Variants in DRC8 observed in about 807,000 individuals in gnomAD.
DRC8 encodes the protein dynein regulatory complex subunit 8, also known as dynein regulatory complex protein 8.
the DRC8 span, among the ~76,000 whole-genome samples, chr1:245,096,399 AG>A: frequency 6.6e-6 from 1 of 152,280 alleles, no homozygotes; most frequent in Admixed American, 6.5e-5. Context: ...CCAGCTTCTT[AG>A]GCTGTGACAG....
At chr1:245,038,733 A>C in the DRC8 span, among the ~76,000 whole-genome samples, 1 of 152,198 alleles carries the variant, frequency 6.6e-6, no homozygotes, top group Non-Finnish European at 1.5e-5. Flanking sequence ...GTTTGTGTGC[A>C]ACAAGTATCT....
At chr1:245,103,692 C>G in the DRC8 span, among the ~76,000 whole-genome samples, 1,134 of 142,868 alleles carry the variant, frequency 7.9e-3, 2 homozygotes, top group Middle Eastern at 0.022. Flanking sequence ...GTGAGGCTGA[C>G]GAGGATCAGA....
At chr1:244,996,887 C>T in the DRC8 span, among the ~76,000 whole-genome samples, 7 of 152,162 alleles carry the variant, frequency 4.6e-5, no homozygotes, top group Non-Finnish European at 1.0e-4. Flanking sequence ...CGGGGATAGG[C>T]TCCAGGACCT....
chr1:244,991,316 C>T, the DRC8 span, among the ~76,000 whole-genome samples: 6 of 152,260 alleles, frequency 3.9e-5, no homozygotes, highest in Admixed American at 1.3e-4. Context: ...GTGCACTATT[C>T]TCCCGGCATG....
At chr1:244,977,213 C>T in the DRC8 span, among the ~76,000 whole-genome samples, 9 of 151,982 alleles carry the variant, frequency 5.9e-5, no homozygotes, top group East Asian at 1.7e-3. Flanking sequence ...GATTGGTTGC[C>T]CAGCAGTGTG....
the DRC8 span, among the ~76,000 whole-genome samples, chr1:245,054,529 C>T: frequency 1.3e-5 from 2 of 152,134 alleles, no homozygotes; most frequent in East Asian, 3.9e-4. Flanking sequence ...CCAAGGATGA[C>T]TTTCCATTTT....
At chr1:244,985,962 TA>T in the DRC8 span, among the ~76,000 whole-genome samples, 2 of 152,090 alleles carry the variant, frequency 1.3e-5, no homozygotes, top group African/African-American at 4.8e-5. Flanking sequence ...TTCTTTCTTT[TA>T]TTTTTTTTTC....
chr1:244,973,959 A>G, the DRC8 span, among the ~76,000 whole-genome samples: 1 of 152,214 alleles, frequency 6.6e-6, no homozygotes. Context: ...TTCATACAGT[A>G]TAATTTATTT....
At chr1:245,062,308 A>T in the DRC8 span, among the ~76,000 whole-genome samples, 3 of 152,214 alleles carry the variant, frequency 2.0e-5, no homozygotes, top group African/African-American at 7.2e-5. Flanking sequence ...TTTAACTTTG[A>T]TCCATGCAGT....
At chr1:245,062,707 A>C in the DRC8 span, among the ~76,000 whole-genome samples, 1 of 152,202 alleles carries the variant, frequency 6.6e-6, no homozygotes. Flanking sequence ...GACCATCTGC[A>C]TCCTCCCCTT....
chr1:245,078,921 C>T, the DRC8 span, among the ~76,000 whole-genome samples: 1 of 151,992 alleles, frequency 6.6e-6, no homozygotes, highest in African/African-American at 2.4e-5. Context: ...TGTGGCACAC[C>T]TTAAATATAT....
chr1:245,003,389 T>G, the DRC8 span, among the ~76,000 whole-genome samples: 1 of 152,218 alleles, frequency 6.6e-6, no homozygotes, highest in South Asian at 2.1e-4. Flanking sequence ...AAGATACTAT[T>G]ATTATCACCA....
the DRC8 span, among the ~76,000 whole-genome samples, chr1:245,020,781 G>A: frequency 1.8e-4 from 27 of 150,632 alleles, no homozygotes; most frequent in African/African-American, 6.3e-4. Flanking sequence ...CACCACGCCC[G>A]GCTAATTTTC....
At chr1:245,071,012 C>T in the DRC8 span, among the ~76,000 whole-genome samples, 2 of 152,248 alleles carry the variant, frequency 1.3e-5, no homozygotes, top group Admixed American at 1.3e-4. Context: ...ACCAGGCCTT[C>T]ACCAGACACC....
At chr1:244,971,558 CA>C in the DRC8 span, among the ~76,000 whole-genome samples, 57 of 152,262 alleles carry the variant, frequency 3.7e-4, no homozygotes, top group Admixed American at 3.5e-3. Flanking sequence ...CAAAAATATC[CA>C]AAAAGCCATG....
chr1:245,032,763 G>A, the DRC8 span, among the ~76,000 whole-genome samples: 2 of 152,132 alleles, frequency 1.3e-5, no homozygotes, highest in Admixed American at 6.5e-5. Context: ...GCCATTCAGT[G>A]AATGATCTTG....
chr1:245,002,814 G>T, the DRC8 span, among the ~76,000 whole-genome samples: 3 of 149,108 alleles, frequency 2.0e-5, no homozygotes, highest in South Asian at 6.4e-4. Flanking sequence ...AATCAACCTT[G>T]TTAATATAAA....
At chr1:244,980,360 A>C in the DRC8 span, among the ~76,000 whole-genome samples, 3 of 152,224 alleles carry the variant, frequency 2.0e-5, no homozygotes, top group Non-Finnish European at 2.9e-5. Flanking sequence ...TCTGTCTAAA[A>C]AATAAAAATG....
chr1:245,018,513 A>T, the DRC8 span, among the ~76,000 whole-genome samples: 553 of 152,240 alleles, frequency 3.6e-3, no homozygotes, highest in Middle Eastern at 6.8e-3. Flanking sequence ...CCAGTAGGAA[A>T]TGAGTGGGCA....
Sources: gnomAD v4.1 joint callset for allele counts (sites outside exome capture counted in the v4.1 genomes callset) on GRCh38, gnomAD v4.1.1 for gene constraint, MANE v1.5 for transcripts, NCBI Gene and HGNC (gene_info 2026-07-23, HGNC 2026-07-21) for gene names.